BICC1: variants seen among roughly 807,000 people sequenced by gnomAD.
The protein encoded by BICC1 is BicC family RNA binding protein 1.
In BICC1, 43 loss-of-function variants were observed where a neutral mutation model predicts 111.0. The observed-to-expected ratio is 0.39, with a 90% CI of 0.30 to 0.50. BICC1 has a LOEUF of 0.50. Ranked by LOEUF, BICC1 falls within the 20% of genes least tolerant of loss-of-function variation. The probability of loss-of-function intolerance (pLI) is 0.88; values close to 1 mark genes in which losing one functional copy is unlikely to be tolerated. For missense variants in BICC1, 1,091 were observed against 1,203.2 expected (o/e 0.91, Z 1.38); for synonymous variants, 467 against 434.4 (o/e 1.07, Z -0.93).
intron 18 of BICC1, among the ~76,000 whole-genome samples, chr10:58,815,143 G>C (rs1285023556): frequency 6.6e-6 from 1 of 152,038 alleles, no homozygotes; most frequent in Non-Finnish European, 1.5e-5. Context: ...GAAACATGTA[G>C]AATATTTGAA....
At chr10:58,548,802 G>C (rs986089685) in intron 1 of BICC1, among the ~76,000 whole-genome samples, 3 of 151,996 alleles carry the variant, frequency 2.0e-5, no homozygotes, top group Non-Finnish European at 4.4e-5. Flanking sequence ...TTGTGTTTTT[G>C]GGGAGGGGAG....
intron 2 of BICC1, among the ~76,000 whole-genome samples, chr10:58,667,674 A>G (rs1381726921): frequency 6.6e-6 from 1 of 152,088 alleles, no homozygotes; most frequent in Non-Finnish European, 1.5e-5. Context: ...AACATCTATT[A>G]CCAGTCTCTG....
chr10:58,628,186 A>C (rs148519370), intron 2 of BICC1, among the ~76,000 whole-genome samples: 248 of 152,286 alleles, frequency 1.6e-3, no homozygotes, highest in African/African-American at 5.5e-3. Context: ...TTACTTTTAT[A>C]ATCAGGATTA....
chr10:58,529,777 G>C (rs1649090), intron 1 of BICC1, among the ~76,000 whole-genome samples: 150,822 of 151,898 alleles, frequency 0.99, 74,881 homozygotes, highest in East Asian at 1. Context: ...CACTTATTAC[G>C]TACACAGAAA....
At chr10:58,571,300 G>C (rs986508586) in intron 1 of BICC1, among the ~76,000 whole-genome samples, 8 of 152,136 alleles carry the variant, frequency 5.3e-5, no homozygotes, top group African/African-American at 1.9e-4. Flanking sequence ...TAGATAATCA[G>C]GTTTTATATT....
chr10:58,748,282 T>G (rs2132633036), intron 3 of BICC1, among the ~76,000 whole-genome samples: 1 of 152,202 alleles, frequency 6.6e-6, no homozygotes, highest in Non-Finnish European at 1.5e-5. Flanking sequence ...TTCATGGAGC[T>G]TATAACCTGG....
chr10:58,702,935 G>A (rs921016130), intron 3 of BICC1, among the ~76,000 whole-genome samples: 3 of 152,084 alleles, frequency 2.0e-5, no homozygotes, highest in South Asian at 2.1e-4. Context: ...TGTTATTGCT[G>A]CTGTTTAGTT....
intron 20 of BICC1, among the ~76,000 whole-genome samples, chr10:58,828,052 A>T (rs1232415285): frequency 6.6e-6 from 1 of 152,260 alleles, no homozygotes; most frequent in Non-Finnish European, 1.5e-5. Flanking sequence ...TATAAAATAC[A>T]TATAACATAC....
At chr10:58,757,142 A>G (rs1375940998) in intron 3 of BICC1, among the ~76,000 whole-genome samples, 1 of 152,226 alleles carries the variant, frequency 6.6e-6, no homozygotes, top group Admixed American at 6.5e-5. Flanking sequence ...AGACTTTAGA[A>G]TATACAAGGA....
At chr10:58,803,365 T>C (rs1460041632) in intron 15 of BICC1, 123 bp downstream of exon 15, 14 of 825,578 alleles carry the variant, frequency 1.7e-5, no homozygotes, top group African/African-American at 3.5e-5. Context: ...ACATTCAAAA[T>C]GAAATTTAAA....
At chr10:58,686,614 A>G (rs1005580151) in intron 2 of BICC1, among the ~76,000 whole-genome samples, 3 of 151,364 alleles carry the variant, frequency 2.0e-5, no homozygotes, top group Admixed American at 6.6e-5. Flanking sequence ...CATTTCATTC[A>G]TTTGATCTTC....
intron 2 of BICC1, among the ~76,000 whole-genome samples, chr10:58,688,590 T>C (rs1177294304): frequency 6.6e-6 from 1 of 152,198 alleles, no homozygotes; most frequent in Non-Finnish European, 1.5e-5. Flanking sequence ...CGTATGTTTA[T>C]TGCAGCACTA....
chr10:58,770,498 A>T, intron 3 of BICC1, among the ~76,000 whole-genome samples: 1 of 152,152 alleles, frequency 6.6e-6, no homozygotes, highest in East Asian at 1.9e-4. Context: ...TTTCTCTACT[A>T]ATCTGAGAAT....
Position 58,820,360 on chromosome 10 carries a change from T to A in BICC1, c.2695-9T>A. 1 of 1,593,540 alleles carries A rather than the reference T, an allele frequency of 6.3e-7. No homozygotes were observed. The highest frequency in any genetic ancestry group is 8.6e-7 in the Non-Finnish European group (1 of 1,162,012). On this transcript the variant is annotated splice_polypyrimidine_tract_variant and intron_variant, in intron 19 of 20. Coordinates refer to ENST00000373886, the MANE Select transcript of BICC1 (RefSeq NM_001080512.3). ...TACATTGGTTATAGATTGACCTTTC[T>A]ACCCACAGATCGATCTTCAGACATT...
chr10:58,709,073 C>T (rs772225496), intron 3 of BICC1, among the ~76,000 whole-genome samples: 1 of 152,148 alleles, frequency 6.6e-6, no homozygotes, highest in Non-Finnish European at 1.5e-5. Context: ...ATTAAAAATC[C>T]TCTCTTGTAG....
At chr10:58,708,200 C>G (rs1202129934) in intron 3 of BICC1, among the ~76,000 whole-genome samples, 1 of 147,816 alleles carries the variant, frequency 6.8e-6, no homozygotes, top group Non-Finnish European at 1.5e-5. Flanking sequence ...CCATGTTGGC[C>G]AGGCTGGTCT....
At chr10:58,710,337 G>A (rs1259560554) in intron 3 of BICC1, among the ~76,000 whole-genome samples, 1 of 152,040 alleles carries the variant, frequency 6.6e-6, no homozygotes, top group Non-Finnish European at 1.5e-5. Context: ...CCTATTCCAG[G>A]AAGTTCCATA....
chr10:58,583,246 A>G (rs548986880), intron 1 of BICC1, among the ~76,000 whole-genome samples: 7 of 152,140 alleles, frequency 4.6e-5, no homozygotes, highest in East Asian at 1.9e-4. Context: ...TTTTATTTCA[A>G]TAGGTTTTTG....
At chr10:58,688,828 A>G (rs370655870) in intron 2 of BICC1, among the ~76,000 whole-genome samples, 51 of 152,054 alleles carry the variant, frequency 3.4e-4, no homozygotes, top group East Asian at 1.4e-3. Flanking sequence ...GAGCTGAACA[A>G]TGAGAACATA....
Sources: gnomAD v4.1 joint callset for allele counts (sites outside exome capture counted in the v4.1 genomes callset) on GRCh38, gnomAD v4.1.1 for gene constraint, MANE v1.5 for transcripts, NCBI Gene and HGNC (gene_info 2026-07-23, HGNC 2026-07-21) for gene names.